The following RBFOX3 variants were observed in gnomAD, a reference collection of about 807,000 sequenced individuals.
RBFOX3 encodes the protein RNA binding protein fox-1 homolog 3.
A neutral mutation model predicts 48.7 loss-of-function variants in RBFOX3; 17 were observed. The ratio of observed to expected loss-of-function variants is 0.35; its 90% CI spans 0.24 to 0.52. RBFOX3 has a LOEUF of 0.52. Among genes scored for constraint, RBFOX3 ranks in the 20% least tolerant of loss-of-function variants. The pLI is 0.94. For synonymous variants in RBFOX3, 212 were observed against 209.5 expected, an observed-to-expected ratio of 1.01 and a Z score of -0.10; for missense variants, 382 against 497.5, an observed-to-expected ratio of 0.77 and a Z score of 2.21.
intron 14 of RBFOX3, chr17:79,092,120 A>AG (rs2074036968): frequency 1.0e-6 from 1 of 985,476 alleles, no homozygotes; most frequent in African/African-American, 1.7e-5. Flanking sequence ...GCTGGACACT[A>AG]GGGCCATGGC....
At chr17:79,160,209 C>T (rs534654609) in intron 4 of RBFOX3, among the ~76,000 whole-genome samples, 3 of 151,440 alleles carry the variant, frequency 2.0e-5, no homozygotes, top group South Asian at 4.2e-4. Context: ...ATTCATGATG[C>T]CCTCCCAGAC....
chr17:79,460,388 T>C (rs1329369207), intron 2 of RBFOX3, among the ~76,000 whole-genome samples: 1 of 152,050 alleles, frequency 6.6e-6, no homozygotes, highest in Non-Finnish European at 1.5e-5. Flanking sequence ...CAGTCTATCA[T>C]CCACCACACT....
chr17:79,594,531 G>A (rs1273590105), intron 1 of RBFOX3, among the ~76,000 whole-genome samples: 6 of 152,178 alleles, frequency 3.9e-5, no homozygotes, highest in Non-Finnish European at 5.9e-5. Context: ...AAATCCGGCT[G>A]TGCAGCCCGG....
chr17:79,345,334 T>C (rs2082731019), intron 2 of RBFOX3, among the ~76,000 whole-genome samples: 2 of 152,360 alleles, frequency 1.3e-5, no homozygotes, highest in East Asian at 1.9e-4. Flanking sequence ...ATTACTGAGA[T>C]TGGTAATTTG....
chr17:79,334,707 T>C (rs2080923095), intron 2 of RBFOX3, among the ~76,000 whole-genome samples: 2 of 152,182 alleles, frequency 1.3e-5, no homozygotes, highest in South Asian at 2.1e-4. Context: ...ACCAGGACCA[T>C]CACACTCCAG....
chr17:79,166,337 G>A (rs1185133505), intron 4 of RBFOX3, among the ~76,000 whole-genome samples: 1 of 152,198 alleles, frequency 6.6e-6, no homozygotes, highest in African/African-American at 2.4e-5. Flanking sequence ...TGGGGAGCCC[G>A]CCAGGAGCTG....
chr17:79,163,741 A>G (rs2047440199), intron 4 of RBFOX3, among the ~76,000 whole-genome samples: 1 of 151,874 alleles, frequency 6.6e-6, no homozygotes, highest in African/African-American at 2.4e-5. Context: ...AGCTTTGCCA[A>G]CAGGGTGCCC....
At chr17:79,097,611 T>TG in intron 10 of RBFOX3, 81 bp downstream of exon 10, 3 of 672,162 alleles carry the variant, frequency 4.5e-6, no homozygotes, top group African/African-American at 2.2e-5. Context: ...CCGCCCCTCA[T>TG]GCCCCGCCCC....
intron 1 of RBFOX3, among the ~76,000 whole-genome samples, chr17:79,577,948 A>AGACCC (rs2092918852): frequency 6.6e-6 from 1 of 152,260 alleles, no homozygotes; most frequent in Non-Finnish European, 1.5e-5. Flanking sequence ...GGGCCCGTGC[A>AGACCC]GACCCAGCGT....
chr17:79,609,315 G>T (rs950526500), intron 1 of RBFOX3, among the ~76,000 whole-genome samples: 1 of 152,040 alleles, frequency 6.6e-6, no homozygotes, highest in Non-Finnish European at 1.5e-5. Context: ...CGGGGCGCCC[G>T]GGTGCATGCC....
chr17:79,250,939 G>T (rs558983925), intron 3 of RBFOX3, among the ~76,000 whole-genome samples: 71 of 152,076 alleles, frequency 4.7e-4, no homozygotes, highest in African/African-American at 1.7e-3. Flanking sequence ...CTCCTGAGTA[G>T]CTGGGATTAC....
intron 3 of RBFOX3, among the ~76,000 whole-genome samples, chr17:79,258,856 G>A (rs1273279389): frequency 3.3e-5 from 5 of 152,198 alleles, no homozygotes; most frequent in African/African-American, 7.2e-5. Flanking sequence ...GGGCCACCTT[G>A]TACTTGACCC....
At chr17:79,562,030 C>T (rs1249656927) in intron 1 of RBFOX3, among the ~76,000 whole-genome samples, 2 of 152,212 alleles carry the variant, frequency 1.3e-5, no homozygotes, top group African/African-American at 2.4e-5. Flanking sequence ...AAGCTGGCAG[C>T]CACTCAGCAG....
At chr17:79,664,217 C>T in the RBFOX3 span, among the ~76,000 whole-genome samples, 3 of 151,856 alleles carry the variant, frequency 2.0e-5, no homozygotes, top group African/African-American at 7.3e-5. Context: ...CTCTGTTGCC[C>T]AGGCTAGAGT....
chr17:79,096,538 A>G, intron 12 of RBFOX3, 115 bp downstream of exon 12: 1 of 898,362 alleles, frequency 1.1e-6, no homozygotes, highest in Non-Finnish European at 1.7e-6. Flanking sequence ...CCTGGCTTCA[A>G]GGGTGGGATG....
chr17:79,464,856 T>G (rs1192412945), intron 2 of RBFOX3, among the ~76,000 whole-genome samples: 2 of 152,222 alleles, frequency 1.3e-5, no homozygotes, highest in Non-Finnish European at 2.9e-5. Flanking sequence ...GTGCTCGCCC[T>G]GTTGTGAATG....
At chr17:79,442,734 G>A (rs2071402255) in intron 2 of RBFOX3, among the ~76,000 whole-genome samples, 2 of 152,038 alleles carry the variant, frequency 1.3e-5, no homozygotes. Context: ...GCCAGAGGAA[G>A]CTGCAGGCAG....
intron 1 of RBFOX3, among the ~76,000 whole-genome samples, chr17:79,513,697 T>G (rs2084839429): frequency 6.6e-6 from 1 of 152,086 alleles, no homozygotes; most frequent in African/African-American, 2.4e-5. Flanking sequence ...TGTCCTCCAC[T>G]CCACAGTGGG....
At chr17:79,353,915 T>C (rs2084452259) in intron 2 of RBFOX3, among the ~76,000 whole-genome samples, 1 of 152,180 alleles carries the variant, frequency 6.6e-6, no homozygotes, top group South Asian at 2.1e-4. Context: ...CGTTACCCAC[T>C]TGACCATCGA....
Sources: allele counts gnomAD v4.1 joint callset (sites outside exome capture counted in the v4.1 genomes callset), GRCh38; gene constraint gnomAD v4.1.1; transcripts MANE v1.5; gene names NCBI Gene and HGNC (gene_info 2026-07-23, HGNC 2026-07-21).